Variants in SLC35F2 observed in about 807,000 individuals in gnomAD.
The protein encoded by SLC35F2 is solute carrier family 35 member F2.
A neutral mutation model predicts 38.1 loss-of-function variants in SLC35F2; 25 were observed. The ratio of observed to expected loss-of-function variants is 0.66; its 90% CI spans 0.48 to 0.92. SLC35F2 has a LOEUF of 0.92. SLC35F2 is among the 40% of genes least tolerant of loss of function. SLC35F2 has a pLI of 0.00. For missense variants in SLC35F2, 409 were observed against 452.9 expected, an observed-to-expected ratio of 0.90 and a Z score of 0.88; for synonymous variants, 173 against 181.7, an observed-to-expected ratio of 0.95 and a Z score of 0.38.
intron 6 of SLC35F2, chr11:107,803,450 A>G (rs1859345619): frequency 1.0e-6 from 1 of 982,726 alleles, no homozygotes; most frequent in East Asian, 1.2e-4. Flanking sequence ...ACCCCTTGCT[A>G]TGCACCCTGC....
chr11:107,840,193 G>A (rs542706230), intron 1 of SLC35F2, among the ~76,000 whole-genome samples: 3 of 152,302 alleles, frequency 2.0e-5, no homozygotes, highest in African/African-American at 7.2e-5. Flanking sequence ...CTCCAGGAGG[G>A]CTGAAAAGGT....
chr11:107,808,546 C>T (rs1433743401), intron 3 of SLC35F2, among the ~76,000 whole-genome samples: 1 of 152,090 alleles, frequency 6.6e-6, no homozygotes, highest in Non-Finnish European at 1.5e-5. Flanking sequence ...AAACCTTGTC[C>T]CTGATTCTCT....
In SLC35F2 at chr11:107,803,025, A is replaced by C; in HGVS notation, c.915T>G (p.Val305=). 2 of 1,612,342 alleles carry C rather than the reference A, an allele frequency of 1.2e-6. No individual in the cohort carries two copies. Among genetic ancestry groups the C allele is most frequent in the African/African-American group, 1.3e-5 (1 of 74,882 alleles). Residue 305 remains valine (V), a synonymous_variant, in exon 7 of 8, where the codon GTT becomes GTG. Transcript: ENST00000525815. ...CCTTATAGCCAAACAGAAAGAGTCC[A>C]ACAAAAAGGCTGTAGAGGTCCGCTG... is the stretch of plus-strand genomic sequence containing the variant. ...ILTADLYSLF[V]GLFLFGYKFS...
intron 1 of SLC35F2, among the ~76,000 whole-genome samples, chr11:107,827,586 T>C (rs1246541556): frequency 6.6e-6 from 1 of 151,750 alleles, no homozygotes; most frequent in Non-Finnish European, 1.5e-5. Context: ...CCATCTCTAC[T>C]AAAAATACAA....
chr11:107,852,274 G>A (rs1425386569), intron 1 of SLC35F2, among the ~76,000 whole-genome samples: 1 of 152,110 alleles, frequency 6.6e-6, no homozygotes, highest in Admixed American at 6.6e-5. Flanking sequence ...AATATTGGCT[G>A]GGCACAGTGG....
intron 1 of SLC35F2, among the ~76,000 whole-genome samples, chr11:107,822,663 C>T (rs1859691822): frequency 6.6e-6 from 1 of 152,120 alleles, no homozygotes; most frequent in Non-Finnish European, 1.5e-5. Context: ...ATTAATAGTG[C>T]CTGGCAAATA....
At chr11:107,818,072 A>AAAAG (rs1163903791) in intron 1 of SLC35F2, among the ~76,000 whole-genome samples, 8,661 of 68,198 alleles carry the variant, frequency 0.13, 612 homozygotes, top group Middle Eastern at 0.21. Flanking sequence ...AAAAAAAAAA[A>AAAAG]AAAGAAAGAA....
intron 2 of SLC35F2, among the ~76,000 whole-genome samples, chr11:107,815,076 T>C (rs1006819907): frequency 8.0e-5 from 12 of 150,854 alleles, no homozygotes; most frequent in Admixed American, 3.3e-4. Flanking sequence ...AGACTCTGTA[T>C]AAAAAAAAAG....
intron 1 of SLC35F2, among the ~76,000 whole-genome samples, chr11:107,826,417 T>C (rs776200925): frequency 6.7e-6 from 1 of 150,052 alleles, no homozygotes; most frequent in Non-Finnish European, 1.5e-5. Flanking sequence ...ACCAATTTTG[T>C]ATTTTTAGTA....
chr11:107,823,516 T>G (rs1038898096), intron 1 of SLC35F2, among the ~76,000 whole-genome samples: 8 of 152,152 alleles, frequency 5.3e-5, no homozygotes, highest in African/African-American at 1.9e-4. Context: ...AAAATCCTAT[T>G]ATGAACCCAA....
At chr11:107,827,773 C>T (rs1472516273) in intron 1 of SLC35F2, among the ~76,000 whole-genome samples, 3 of 146,674 alleles carry the variant, frequency 2.0e-5, no homozygotes, top group Admixed American at 6.8e-5. Context: ...ATTAGCTGGG[C>T]GTGGTGGAGC....
At chr11:107,794,080 TTTC>T (rs1366493008) in intron 7 of SLC35F2, among the ~76,000 whole-genome samples, 2 of 117,136 alleles carry the variant, frequency 1.7e-5, no homozygotes, top group African/African-American at 3.6e-5. Flanking sequence ...GTCTGTATTT[TTTC>T]TTTTTTTTTT....
chr11:107,842,127 C>T (rs1337820683), intron 1 of SLC35F2, among the ~76,000 whole-genome samples: 7 of 149,726 alleles, frequency 4.7e-5, no homozygotes, highest in Non-Finnish European at 7.4e-5. Context: ...ATTAGCTGGG[C>T]GTGGTGGTGT....
intron 1 of SLC35F2, among the ~76,000 whole-genome samples, chr11:107,842,375 G>C (rs1860026864): frequency 6.7e-6 from 1 of 149,304 alleles, no homozygotes; most frequent in South Asian, 2.1e-4. Flanking sequence ...TATTTTTTGA[G>C]CCAGAGTCTC....
chr11:107,799,629 C>T (rs2134762877), intron 7 of SLC35F2, among the ~76,000 whole-genome samples: 1 of 152,236 alleles, frequency 6.6e-6, no homozygotes, highest in South Asian at 2.1e-4. Context: ...CTCACCCTGT[C>T]ACCCAGGCTG....
intron 3 of SLC35F2, chr11:107,811,088 C>G: frequency 1.0e-6 from 1 of 984,884 alleles, no homozygotes; most frequent in Non-Finnish European, 1.2e-6. Context: ...AGGAAACATC[C>G]CATAGTTTGC....
At chr11:107,816,870 T>C (rs1187895577) in intron 1 of SLC35F2, among the ~76,000 whole-genome samples, 5 of 152,140 alleles carry the variant, frequency 3.3e-5, no homozygotes, top group African/African-American at 1.2e-4. Context: ...TTGAGAATCA[T>C]GAGCATAAAT....
At chr11:107,830,540 C>A (rs1001086790) in intron 1 of SLC35F2, among the ~76,000 whole-genome samples, 1 of 147,552 alleles carries the variant, frequency 6.8e-6, no homozygotes, top group Admixed American at 6.8e-5. Flanking sequence ...GCCGAGATCA[C>A]GCCACTGCAC....
At chr11:107,843,868 A>AATATATATATAT (rs1178673709) in intron 1 of SLC35F2, among the ~76,000 whole-genome samples, 5 of 46,852 alleles carry the variant, frequency 1.1e-4, no homozygotes, top group Non-Finnish European at 1.9e-4. Flanking sequence ...AAAAAAAAAA[A>AATATATATATAT]ATATATATAT....
Sources: allele counts gnomAD v4.1 joint callset (sites outside exome capture counted in the v4.1 genomes callset), GRCh38; gene constraint gnomAD v4.1.1; transcripts MANE v1.5; gene names NCBI Gene and HGNC (gene_info 2026-07-23, HGNC 2026-07-21).